The following PKHD1L1 variants were observed in gnomAD, a reference collection of about 807,000 sequenced individuals.
The protein encoded by PKHD1L1 is fibrocystin-L.
A neutral mutation model predicts 462.9 loss-of-function variants in PKHD1L1; 434 were observed. That is an observed-to-expected ratio of 0.94 (90% CI 0.87 to 1.02). The LOEUF (loss-of-function observed/expected upper bound fraction) is 1.02. PKHD1L1 is among the 50% of genes least tolerant of loss of function. The pLI, the probability that PKHD1L1 is intolerant of heterozygous loss-of-function variation, is 0.00. For synonymous variants in PKHD1L1, 1,781 were observed against 1,750.0 expected (o/e 1.02, Z -0.44); for missense variants, 5,202 against 5,096.1 (o/e 1.02, Z -0.63).
chr8:109,390,734 A>G lies in PKHD1L1; in HGVS notation c.740+240A>G, dbSNP rs566836296. On this transcript the variant is annotated intron_variant, in intron 9 of 77. Coordinates refer to ENST00000378402, the MANE Select transcript of PKHD1L1 (RefSeq NM_177531.6). ...TAACATAAAAATCTTTACTTGTGTT[A>G]TGGAAAAATATTATTTTATGTCCTG... Among the ~76,000 whole-genome samples the G allele has an allele frequency of 3.9e-5, 6 of 152,258 alleles. No individual in the cohort carries two copies. In the East Asian group the frequency reaches 9.6e-4, roughly 24 times the overall value.
chr8:109,439,893 C>A (rs1369062037), intron 32 of PKHD1L1, among the ~76,000 whole-genome samples: 2 of 152,030 alleles, frequency 1.3e-5, no homozygotes, highest in African/African-American at 4.8e-5. Context: ...TGAAGATGAG[C>A]AACATTAAAC....
intron 5 of PKHD1L1, 71 bp from the exon 6 acceptor site, chr8:109,385,464 TTA>T (rs1424711104): frequency 4.5e-5 from 43 of 955,632 alleles, no homozygotes; most frequent in Non-Finnish European, 6.7e-5. Context: ...GGAAAATCTC[TTA>T]TGTTTTCGTA....
At position 109,390,492 on chromosome 8, in the gene PKHD1L1, A is replaced by G. The variant is rs1220405326; in HGVS notation, c.738A>G (p.Gly246=). 3.5e-6 allele frequency: 5 copies of G among 1,441,392 alleles called. No individual in the cohort carries two copies. In the African/African-American group the frequency reaches 7.2e-5, roughly 21 times the overall value. The allele number at this position is 1,441,392 out of a possible 1,614,324, so 89.3% of individuals were successfully genotyped here. A position where few individuals can be genotyped will look rare whatever the true frequency, so the allele number is the denominator to read the frequency against. ...GCTTCATCTTAGATAATGATTATGG[A>G]AGGTAGGCTATTTTGTAAATAATAA... ...NVSFILDNDY[G]RSFPQKMAYF... Residue 246 remains glycine (G), a splice_region_variant and synonymous_variant, in exon 9 of 78, where the codon GGA becomes GGG. Coordinates refer to ENST00000378402, the MANE Select transcript of PKHD1L1 (RefSeq NM_177531.6).
Position 109,481,476 on chromosome 8 carries a change from G to T in PKHD1L1, c.9371G>T (p.Gly3124Val). The change falls in exon 56 of 78, where the codon GGA becomes GTA. Residue 3124 changes from glycine to valine, a missense_variant. Transcript: ENST00000378402. ...GGCTGGGAAGATAACCCTTTTAAAG[G>T]AGACTTAAAGATTGTTCTTAGAGGA... ...IGGWEDNPFK[G>V]DLKIVLRGNH... The T allele has an allele frequency of 6.3e-7, 1 of 1,599,312 alleles. No individual in the cohort carries two copies. The highest frequency in any genetic ancestry group is 1.1e-5 in the South Asian group (1 of 88,592).
chr8:109,454,599 A>G (rs1268745594), intron 44 of PKHD1L1, 124 bp from the exon 45 acceptor site: 19 of 1,357,752 alleles, frequency 1.4e-5, no homozygotes, highest in Non-Finnish European at 1.9e-5. Context: ...AAAGAAAGAT[A>G]TGAACAACTG....
intron 30 of PKHD1L1, among the ~76,000 whole-genome samples, chr8:109,438,028 T>C (rs1815536868): frequency 6.6e-6 from 1 of 152,118 alleles, no homozygotes; most frequent in Non-Finnish European, 1.5e-5. Context: ...AGAGAATCAC[T>C]TCTCCAGAGC....
chr8:109,497,183 C>A lies in PKHD1L1; in HGVS notation c.10510C>A (p.Leu3504Met). The change falls in exon 65 of 78, where the codon CTG becomes ATG. Residue 3504 changes from leucine to methionine, a missense_variant. Physicochemically the swap from Leu to Met is conservative, Grantham distance 15 (BLOSUM62 2). Coordinates refer to ENST00000378402, the MANE Select transcript of PKHD1L1 (RefSeq NM_177531.6). ...TESVHIYNVT[L>M]VDNGMAIFPM... ...GAGTGTGCACATTTATAATGTGACC[C>A]TGGTTGACAATGGAATGGCCATTTT... is the stretch of plus-strand genomic sequence containing the variant. The A allele has an allele frequency of 6.2e-7, 1 of 1,613,668 alleles. No individual in the cohort carries two copies. Among genetic ancestry groups the A allele is most frequent in the South Asian group, 1.1e-5 (1 of 91,058 alleles).
rs998938482 is a variant in PKHD1L1 at position 109,514,095 on chromosome 8, C to A, written c.11554-1075C>A. 2.0e-5 allele frequency among the ~76,000 whole-genome samples: 3 copies of A among 152,158 alleles called. No homozygotes were observed. In the South Asian group the frequency reaches 6.2e-4, roughly 31 times the overall value. Reference sequence around the variant, plus strand: ...CCCCTGAGCTCTCTGGCTTCTTCTACTCCTCCAGCCCCACTGAGCTCCTTG... The same window carrying A: ...CCCCTGAGCTCTCTGGCTTCTTCTAATCCTCCAGCCCCACTGAGCTCCTTG... On this transcript the variant is annotated intron_variant, in intron 71 of 77. Coordinates refer to ENST00000378402, the MANE Select transcript of PKHD1L1 (RefSeq NM_177531.6).
rs1482811159 is a variant in PKHD1L1, at chr8:109,440,868, A to G, written c.4099+16A>G. Reference sequence around the variant, plus strand: ...GTGCTGTTAGGTAAGAGCTTCATTCATAGGAAAGTGATTATCATTTTTCTC... The same window carrying G: ...GTGCTGTTAGGTAAGAGCTTCATTCGTAGGAAAGTGATTATCATTTTTCTC... On this transcript the variant is annotated intron_variant, in intron 33 of 77. Coordinates refer to ENST00000378402, the MANE Select transcript of PKHD1L1 (RefSeq NM_177531.6). 6.2e-7 allele frequency: 1 copy of G among 1,608,194 alleles called. No individual in the cohort carries two copies. The highest frequency in any genetic ancestry group is 8.5e-7 in the Non-Finnish European group (1 of 1,176,878).
At chr8:109,383,988 A>T (rs2130437997) in intron 4 of PKHD1L1, 82 bp from the exon 5 acceptor site, 3 of 897,382 alleles carry the variant, frequency 3.3e-6, no homozygotes, top group Non-Finnish European at 5.6e-6. Flanking sequence ...GTTGAAATTT[A>T]GTAATGTAAG....
Position 109,456,330 on chromosome 8 carries a change from T to G in PKHD1L1, c.6943T>G (p.Leu2315Val), listed in dbSNP as rs1375201050. Residue 2315 changes from leucine to valine, a missense_variant, in exon 46 of 78, where the codon TTA (leucine) becomes GTA (valine). By Grantham distance (32) the Leu-to-Val change is conservative (BLOSUM62 1). Around this residue, in one of 3 missense-constraint regions of PKHD1L1, gnomAD observed 4,497 missense variants for 4,336.8 expected, o/e 1.04. Coordinates refer to ENST00000378402, the MANE Select transcript of PKHD1L1 (RefSeq NM_177531.6). ...AAAGGCAGGGGAAAGAATTTTAATT[T>G]TACAAGAAGCAGTAACATGGAAACC... is the stretch of plus-strand genomic sequence containing the variant. ...TAKAGERILI[L>V]QEAVTWKPGD... 3.7e-6 allele frequency: 6 copies of G among 1,611,668 alleles called. No homozygotes were observed. Among genetic ancestry groups the G allele is most frequent in the Non-Finnish European group, 4.2e-6 (5 of 1,178,804 alleles).
rs368759434 is a variant in PKHD1L1, at chr8:109,435,355, G to A, written c.3505+1G>A. The A allele has an allele frequency of 1.9e-5, 31 of 1,610,956 alleles. No homozygotes were observed. Among genetic ancestry groups the A allele is most frequent in the Admixed American group, 5.0e-5 (3 of 59,820 alleles). ...TGGCCTGATTCTGGAAGCATAGCAG[G>A]TAATGGTTAATAGTTTAAACAGAGA... On this transcript the variant is annotated splice_donor_variant, in intron 29 of 77. Coordinates refer to ENST00000378402, the MANE Select transcript of PKHD1L1 (RefSeq NM_177531.6). LOFTEE classifies it high-confidence loss of function.
chr8:109,387,490 G>C (rs1016574584), intron 6 of PKHD1L1, among the ~76,000 whole-genome samples: 9 of 152,040 alleles, frequency 5.9e-5, no homozygotes, highest in African/African-American at 2.2e-4. Flanking sequence ...TAAGCTTTCT[G>C]TTTCAGTTTT....
Position 109,459,712 on chromosome 8 carries a change from T to G in PKHD1L1, c.7122T>G (p.Pro2374=), listed in dbSNP as rs769682798. The part of the protein sequence containing the change: ...YTHLGITVTL[P]DGTLFEARAE... ...ACTTAGGAATTACGGTCACACTCCC[T>G]GATGGAACTCTGTTTGAAGCAAGAG... The change falls in exon 47 of 78, where the codon CCT becomes CCG. Residue 2374 remains proline, a synonymous_variant. Transcript: ENST00000378402. 1 of 1,612,084 alleles carries G rather than the reference T, an allele frequency of 6.2e-7. No homozygotes were observed. The highest frequency in any genetic ancestry group is 8.5e-7 in the Non-Finnish European group (1 of 1,178,878).
In PKHD1L1 at chr8:109,448,315, T is replaced by C; in HGVS notation, c.5949T>C (p.His1983=). 2.5e-6 allele frequency: 4 copies of C among 1,613,756 alleles called. No individual in the cohort carries two copies. Among genetic ancestry groups the C allele is most frequent in the Non-Finnish European group, 2.5e-6 (3 of 1,179,806 alleles). ...AGGTFPVMMH[H]KTKGSAMSTV... ...GCACATTTCCTGTTATGATGCATCA[T>C]AAGACAAAAGGCTCAGCCATGTCCA... The change falls in exon 39 of 78, where the codon CAT becomes CAC. Residue 1983 remains histidine, a synonymous_variant. Transcript: ENST00000378402.
At position 109,469,024 on chromosome 8, in the gene PKHD1L1, GATCA is replaced by G. The variant is rs143427010; in HGVS notation, c.8605+2264_8605+2267del. On this transcript the variant is annotated intron_variant, in intron 50 of 77. Transcript: ENST00000378402. ...ACTCATCTAATCTTTGGAATCTCAAGATCAATCAATCAGCTATCACAGATTCCTG... is the reference window on the plus strand; with the variant it reads ...ACTCATCTAATCTTTGGAATCTCAAGATCAATCAGCTATCACAGATTCCTG... 1.9e-3 allele frequency among the ~76,000 whole-genome samples: 290 copies of G among 152,248 alleles called. 1 individual carries two copies. Among genetic ancestry groups the G allele is most frequent in the African/African-American group, 5.9e-3 (246 of 41,552 alleles).
Position 109,466,759 on chromosome 8 carries a change from A to G in PKHD1L1, c.8595A>G (p.Ser2865=), listed in dbSNP as rs367903723. The change falls in exon 50 of 78, where the codon TCA becomes TCG. Residue 2865 remains serine (S), a synonymous_variant. Transcript: ENST00000378402. The part of the protein sequence containing the change: ...VSLLEKDVVL[S]DSFGTSIIPF... ...TGCTTGAAAAGGATGTGGTTCTTTC[A>G]GACTCTTTTGGTAAGTGGAATATAT... is the stretch of plus-strand genomic sequence containing the variant. The G allele has an allele frequency of 4.1e-5, 66 of 1,611,594 alleles. No individual in the cohort carries two copies. Among genetic ancestry groups the G allele is most frequent in the Non-Finnish European group, 5.5e-5 (65 of 1,178,970 alleles).
rs192238636 is a variant in PKHD1L1 at position 109,444,670 on chromosome 8, G to A, written c.4801G>A (p.Gly1601Ser). Residue 1601 changes from glycine (G) to serine (S), a missense_variant, in exon 38 of 78, where the codon GGT (glycine) becomes AGT (serine). Gly to Ser is a moderately conservative substitution (Grantham distance 56, BLOSUM62 0). This residue lies in a region of PKHD1L1 where 4,497 missense variants were observed against 4,336.8 expected (regional missense o/e 1.04). Coordinates refer to ENST00000378402, the MANE Select transcript of PKHD1L1 (RefSeq NM_177531.6). ...NLPWANKVTIGSYPCVVEESS... is the reference protein window; with the variant it reads ...NLPWANKVTISSYPCVVEESS... ...TTCATTTTACTTACAGGTTACAATT[G>A]GTAGCTACCCCTGTGTCGTAGAAGA... 1.9e-6 allele frequency: 3 copies of A among 1,611,024 alleles called. No individual in the cohort carries two copies. The highest frequency in any genetic ancestry group is 2.2e-5 in the South Asian group (2 of 90,846).
chr8:109,507,610 T>C (rs1819754020), intron 68 of PKHD1L1, 53 bp from the exon 69 acceptor site: 2 of 1,451,512 alleles, frequency 1.4e-6, no homozygotes, highest in Non-Finnish European at 1.9e-6. Context: ...TTCAAGTGTA[T>C]TCATATTGCT....
Sources: gnomAD v4.1 joint callset for allele counts (sites outside exome capture counted in the v4.1 genomes callset) on GRCh38, gnomAD v4.1.1 for gene constraint, gnomAD v4.1.1 regional missense constraint, MANE v1.5 for transcripts, NCBI Gene and HGNC (gene_info 2026-07-23, HGNC 2026-07-21) for gene names.